Variants in METTL24 observed in about 807,000 individuals in gnomAD.
The protein encoded by METTL24 is methyltransferase like 24, also known as probable methyltransferase-like protein 24.
METTL24 carries 29 observed loss-of-function variants against 32.7 expected under a neutral mutation model. The observed-to-expected ratio is 0.89, with a 90% confidence interval of 0.66 to 1.21. METTL24 has a LOEUF of 1.21. Ranked by LOEUF, METTL24 falls within the 50% of genes most tolerant of loss-of-function variation. The pLI is 0.00. For synonymous variants in METTL24, 163 were observed against 179.5 expected, an observed-to-expected ratio of 0.91 and a Z score of 0.73; for missense variants, 439 against 468.1, an observed-to-expected ratio of 0.94 and a Z score of 0.57.
chr6:110,282,423 G>GT (rs1407383273), intron 4 of METTL24, among the ~76,000 whole-genome samples: 2 of 152,070 alleles, frequency 1.3e-5, no homozygotes, highest in Non-Finnish European at 2.9e-5. Flanking sequence ...CACTGTACTA[G>GT]TTTTTTTATA....
At chr6:110,314,060 T>C (rs2114745970) in intron 3 of METTL24, among the ~76,000 whole-genome samples, 1 of 152,006 alleles carries the variant, frequency 6.6e-6, no homozygotes, top group Admixed American at 6.6e-5. Context: ...ACTGGAATCT[T>C]TGGGTAGGTC....
At chr6:110,259,468 G>A (rs1276405247) in intron 4 of METTL24, among the ~76,000 whole-genome samples, 3 of 152,218 alleles carry the variant, frequency 2.0e-5, no homozygotes, top group Non-Finnish European at 4.4e-5. Context: ...AAGCGGCCAG[G>A]AAGCTTGAAC....
intron 3 of METTL24, among the ~76,000 whole-genome samples, chr6:110,308,030 GAATAATAGTGGAGCCA>G (rs1229075526): frequency 6.6e-6 from 1 of 152,182 alleles, no homozygotes; most frequent in African/African-American, 2.4e-5. Context: ...AAAGGTAATA[GAATAATAGTGGAGCCA>G]TCTTGATCCT....
intron 4 of METTL24, 63 bp downstream of exon 4, chr6:110,298,859 A>G: frequency 6.8e-7 from 1 of 1,465,064 alleles, no homozygotes; most frequent in East Asian, 2.3e-5. Flanking sequence ...CTTGGTTTGC[A>G]TTTTAAAAAG....
At chr6:110,263,643 A>T (rs1232873736) in intron 4 of METTL24, among the ~76,000 whole-genome samples, 4 of 152,210 alleles carry the variant, frequency 2.6e-5, no homozygotes, top group Non-Finnish European at 5.9e-5. Flanking sequence ...GTGGAACCAA[A>T]AAAGAGCCCG....
rs1554210175 is a variant in METTL24, at chr6:110,245,002, C to CT, written c.*943_*944insA. On this transcript the variant is annotated 3_prime_UTR_variant, in exon 5 of 5. Transcript: ENST00000338882. Reference sequence around the variant, plus strand: ...TCTATCTATCTATCTATCTATCTATCATCTATCTATTTATCTACCTACCTA... The same window carrying CT: ...TCTATCTATCTATCTATCTATCTATCTATCTATCTATTTATCTACCTACCTA... Among the ~76,000 whole-genome samples the CT allele has an allele frequency of 6.1e-5, 7 of 114,494 alleles. No individual in the cohort carries two copies. The highest frequency in any genetic ancestry group is 2.2e-4 in the East Asian group (1 of 4,598). 75.1% of individuals were successfully genotyped at this position (114,494 alleles called of 152,430 possible).
intron 2 of METTL24, 27 bp downstream of exon 2, chr6:110,322,747 C>T: frequency 6.3e-7 from 1 of 1,581,366 alleles, no homozygotes; most frequent in Non-Finnish European, 8.6e-7. Context: ...ACATTCTTCT[C>T]TAACTTCTTT....
chr6:110,313,254 TG>T (rs1771757818), intron 3 of METTL24, among the ~76,000 whole-genome samples: 1 of 152,238 alleles, frequency 6.6e-6, no homozygotes, highest in Non-Finnish European at 1.5e-5. Flanking sequence ...CACATAGACA[TG>T]ATCAATGCTG....
At chr6:110,325,551 C>G (rs968557233) in intron 1 of METTL24, among the ~76,000 whole-genome samples, 2 of 152,188 alleles carry the variant, frequency 1.3e-5, no homozygotes, top group Admixed American at 1.3e-4. Context: ...GCAAGGGAGA[C>G]AGACTATGAT....
chr6:110,291,609 T>A (rs535324909), intron 4 of METTL24, among the ~76,000 whole-genome samples: 2 of 152,210 alleles, frequency 1.3e-5, no homozygotes, highest in Non-Finnish European at 2.9e-5. Flanking sequence ...ACCTGTACCA[T>A]GAGGGTTTGT....
Position 110,245,135 on chromosome 6 carries a change from T to G in METTL24, c.*811A>C, listed in dbSNP as rs977895758. Among the ~76,000 whole-genome samples the G allele has an allele frequency of 1.3e-5, 2 of 152,186 alleles. No individual in the cohort carries two copies. Among genetic ancestry groups the G allele is most frequent in the African/African-American group, 4.8e-5 (2 of 41,436 alleles). The stretch of plus-strand genomic sequence containing the variant: ...CTGTAAGGATATTTCCAGATGAAAT[T>G]AATATTTAAATCAGTAGACTAAATA... On this transcript the variant is annotated 3_prime_UTR_variant, in exon 5 of 5. Transcript: ENST00000338882.
chr6:110,327,222 CA>C, intron 1 of METTL24, among the ~76,000 whole-genome samples: 1 of 152,264 alleles, frequency 6.6e-6, no homozygotes, highest in African/African-American at 2.4e-5. Flanking sequence ...AGCCCAAAAG[CA>C]CATCAAAGGT....
At chr6:110,269,813 C>G (rs1222207867) in intron 4 of METTL24, among the ~76,000 whole-genome samples, 1 of 152,100 alleles carries the variant, frequency 6.6e-6, no homozygotes, top group Non-Finnish European at 1.5e-5. Context: ...TTAAAAGCCT[C>G]ATTTGTTTGA....
chr6:110,251,127 A>T (rs1244624545), intron 4 of METTL24, among the ~76,000 whole-genome samples: 1 of 152,184 alleles, frequency 6.6e-6, no homozygotes, highest in South Asian at 2.1e-4. Flanking sequence ...GCGCGCATTC[A>T]AGGGGAGGTG....
intron 1 of METTL24, among the ~76,000 whole-genome samples, chr6:110,341,653 A>C (rs561301321): frequency 6.6e-6 from 1 of 152,320 alleles, no homozygotes; most frequent in South Asian, 2.1e-4. Flanking sequence ...AGTAATCAAC[A>C]TATTTTTCTG....
chr6:110,310,565 T>G (rs2114742803), intron 3 of METTL24, among the ~76,000 whole-genome samples: 1 of 152,308 alleles, frequency 6.6e-6, no homozygotes, highest in East Asian at 1.9e-4. Context: ...TATCCCTTTC[T>G]CCATAATATG....
chr6:110,304,224 A>C (rs1771588434), intron 3 of METTL24, among the ~76,000 whole-genome samples: 1 of 152,206 alleles, frequency 6.6e-6, no homozygotes, highest in African/African-American at 2.4e-5. Flanking sequence ...ACCAGCGCAA[A>C]AAGGCTGAAA....
intron 2 of METTL24, among the ~76,000 whole-genome samples, chr6:110,315,730 G>A (rs1441279655): frequency 6.6e-6 from 1 of 152,178 alleles, no homozygotes; most frequent in Non-Finnish European, 1.5e-5. Flanking sequence ...AGCTGCTGTA[G>A]CCATGTGCAC....
intron 2 of METTL24, 32 bp downstream of exon 2, chr6:110,322,742 C>T (rs767681238): frequency 1.9e-6 from 3 of 1,563,006 alleles, no homozygotes; most frequent in Non-Finnish European, 2.6e-6. Context: ...CTTTCACATT[C>T]TTCTCTAACT....
Sources: gnomAD v4.1 joint callset for allele counts (sites outside exome capture counted in the v4.1 genomes callset) on GRCh38, gnomAD v4.1.1 for gene constraint, MANE v1.5 for transcripts, NCBI Gene and HGNC (gene_info 2026-07-23, HGNC 2026-07-21) for gene names.